ZNF892: variants seen among roughly 807,000 people sequenced by gnomAD.
ZNF892 encodes zinc finger protein 570-like.
the ZNF892 span, among the ~76,000 whole-genome samples, chr2:95,256,170 T>A: frequency 6.6e-6 from 1 of 152,232 alleles, no homozygotes; most frequent in African/African-American, 2.4e-5. Context: ...CTAGCCTTGA[T>A]GGTCTTTACA....
the ZNF892 span, among the ~76,000 whole-genome samples, chr2:95,240,204 A>T: frequency 2.0e-5 from 3 of 152,202 alleles, no homozygotes; most frequent in Non-Finnish European, 2.9e-5. Context: ...TGCAGCACTC[A>T]TGGAGAGGAA....
chr2:95,214,357 G>A, the ZNF892 span: 6 of 398,382 alleles, frequency 1.5e-5, no homozygotes, highest in Non-Finnish European at 8.8e-6. Flanking sequence ...ATACCAGAAA[G>A]CAAGGAGCTA....
At chr2:95,213,295 C>T in the ZNF892 span, among the ~76,000 whole-genome samples, 3 of 152,282 alleles carry the variant, frequency 2.0e-5, no homozygotes, top group Middle Eastern at 0.01. Flanking sequence ...TTGCTTTTAA[C>T]CTATTCTACC....
chr2:95,250,876 A>G, the ZNF892 span, among the ~76,000 whole-genome samples: 1 of 147,310 alleles, frequency 6.8e-6, no homozygotes, highest in Admixed American at 6.8e-5. Context: ...ATAAATAAAT[A>G]TTACATATTA....
chr2:95,221,546 G>T, the ZNF892 span, among the ~76,000 whole-genome samples: 1 of 152,152 alleles, frequency 6.6e-6, no homozygotes, highest in African/African-American at 2.4e-5. Flanking sequence ...GTGTGGTATG[G>T]TTGGTTTTAG....
chr2:95,253,991 G>A, the ZNF892 span, among the ~76,000 whole-genome samples: 4 of 152,200 alleles, frequency 2.6e-5, no homozygotes, highest in African/African-American at 9.7e-5. Context: ...CTGAGACGAT[G>A]GGATTTTCTA....
chr2:95,256,824 T>C, the ZNF892 span, among the ~76,000 whole-genome samples: 2 of 152,228 alleles, frequency 1.3e-5, no homozygotes, highest in Non-Finnish European at 2.9e-5. Context: ...TCATTCATTT[T>C]ATCTTCCATC....
chr2:95,212,118 CTT>C, the ZNF892 span: 2 of 397,948 alleles, frequency 5.0e-6, no homozygotes, highest in East Asian at 7.1e-5. Context: ...CTCTCCCTCT[CTT>C]ACCATGTTCC....
At chr2:95,217,192 T>C in the ZNF892 span, among the ~76,000 whole-genome samples, 32 of 152,152 alleles carry the variant, frequency 2.1e-4, no homozygotes, top group South Asian at 2.1e-4. Context: ...CCTCTTCTTA[T>C]CAGTCCACCA....
At chr2:95,247,962 T>C in the ZNF892 span, among the ~76,000 whole-genome samples, 1 of 152,206 alleles carries the variant, frequency 6.6e-6, no homozygotes, top group East Asian at 1.9e-4. Flanking sequence ...AGAGCTACTA[T>C]TCAATTCAGC....
the ZNF892 span, among the ~76,000 whole-genome samples, chr2:95,256,150 C>T: frequency 2.0e-5 from 3 of 152,182 alleles, no homozygotes; most frequent in Non-Finnish European, 4.4e-5. Context: ...TTAGTTGATG[C>T]AGTTTCTTCC....
chr2:95,243,515 T>G, the ZNF892 span, among the ~76,000 whole-genome samples: 2 of 135,220 alleles, frequency 1.5e-5, no homozygotes, highest in African/African-American at 2.8e-5. Flanking sequence ...CCGTCCGGGA[T>G]GTGAGGAGCG....
the ZNF892 span, among the ~76,000 whole-genome samples, chr2:95,227,524 A>G: frequency 1.3e-5 from 2 of 149,006 alleles, no homozygotes; most frequent in Non-Finnish European, 3.0e-5. Flanking sequence ...GGGTTTTGCC[A>G]TGTTGCCCAG....
chr2:95,221,732 C>T, the ZNF892 span, among the ~76,000 whole-genome samples: 8 of 151,996 alleles, frequency 5.3e-5, no homozygotes, highest in Non-Finnish European at 1.0e-4. Flanking sequence ...GGTAATGTTT[C>T]TAGAGATGTG....
the ZNF892 span, among the ~76,000 whole-genome samples, chr2:95,230,931 T>C: frequency 6.6e-6 from 1 of 152,228 alleles, no homozygotes; most frequent in African/African-American, 2.4e-5. Context: ...CTTATGTTGC[T>C]GCTTATGTAC....
At chr2:95,227,275 A>G in the ZNF892 span, among the ~76,000 whole-genome samples, 1 of 151,362 alleles carries the variant, frequency 6.6e-6, no homozygotes, top group Admixed American at 6.6e-5. Context: ...ACATTTTACT[A>G]CTCATGTCCT....
the ZNF892 span, among the ~76,000 whole-genome samples, chr2:95,212,908 A>G: frequency 6.6e-6 from 1 of 152,254 alleles, no homozygotes; most frequent in Non-Finnish European, 1.5e-5. Context: ...GTACCTGGCT[A>G]TATGCTAAGC....
chr2:95,262,573 G>T, the ZNF892 span, among the ~76,000 whole-genome samples: 1 of 152,240 alleles, frequency 6.6e-6, no homozygotes, highest in Non-Finnish European at 1.5e-5. Flanking sequence ...AGCCTGGGAT[G>T]TGGAAGGGAT....
At chr2:95,213,132 C>T in the ZNF892 span, among the ~76,000 whole-genome samples, 4 of 152,172 alleles carry the variant, frequency 2.6e-5, no homozygotes, top group Non-Finnish European at 5.9e-5. Context: ...CTTTCAAAGC[C>T]GTTGTTAGTC....
Sources: allele counts gnomAD v4.1 joint callset (sites outside exome capture counted in the v4.1 genomes callset), GRCh38; gene constraint gnomAD v4.1.1; transcripts MANE v1.5; gene names NCBI Gene and HGNC (gene_info 2026-07-23, HGNC 2026-07-21).